Variants in GOSR1 observed in about 807,000 individuals in gnomAD.
The protein encoded by GOSR1 is golgi SNAP receptor complex member 1.
A neutral mutation model predicts 35.5 loss-of-function variants in GOSR1; 21 were observed. That is an observed-to-expected ratio of 0.59 (90% CI 0.42 to 0.85). GOSR1 has a LOEUF of 0.85. GOSR1 is among the 40% of genes least tolerant of loss of function. GOSR1 has a pLI of 0.00. For synonymous variants in GOSR1, 94 were observed against 106.6 expected, an observed-to-expected ratio of 0.88 and a Z score of 0.73; for missense variants, 285 against 309.6, an observed-to-expected ratio of 0.92 and a Z score of 0.60.
rs1449147847 is a variant in GOSR1, at chr17:30,522,783, G to C, written c.*405G>C. 7.1e-5 allele frequency: 11 copies of C among 154,356 alleles called. No individual in the cohort carries two copies. In the Admixed American group the frequency reaches 7.2e-4, roughly 10 times the overall value. 9.6% of individuals were successfully genotyped at this position (154,356 alleles called of 1,614,324 possible). ...TGCTTTTCTTTTAGCTGCCAGATTGGATTGTGAATAAAAATAATTCTTCCC... is the reference window on the plus strand; with the variant it reads ...TGCTTTTCTTTTAGCTGCCAGATTGCATTGTGAATAAAAATAATTCTTCCC... On this transcript the variant is annotated 3_prime_UTR_variant, in exon 9 of 9. Coordinates refer to ENST00000451249, the MANE Select transcript of GOSR1 (RefSeq NM_001007025.2).
intron 6 of GOSR1, among the ~76,000 whole-genome samples, chr17:30,502,971 A>G (rs1376184691): frequency 1.3e-5 from 2 of 152,262 alleles, no homozygotes; most frequent in Non-Finnish European, 2.9e-5. Flanking sequence ...CACAATGCTT[A>G]ATGTAAATGG....
At chr17:30,496,897 ACT>A (rs1260966944) in intron 6 of GOSR1, among the ~76,000 whole-genome samples, 2 of 152,122 alleles carry the variant, frequency 1.3e-5, no homozygotes, top group South Asian at 2.1e-4. Flanking sequence ...TCATAGAAGT[ACT>A]CTCTGATTTA....
intron 6 of GOSR1, among the ~76,000 whole-genome samples, chr17:30,501,449 A>G (rs1158961203): frequency 6.6e-6 from 1 of 152,176 alleles, no homozygotes; most frequent in East Asian, 1.9e-4. Flanking sequence ...GTGTGAATGC[A>G]AAATGGTACA....
At chr17:30,494,639 A>G (rs1407947837) in intron 6 of GOSR1, among the ~76,000 whole-genome samples, 1 of 151,276 alleles carries the variant, frequency 6.6e-6, no homozygotes, top group Non-Finnish European at 1.5e-5. Flanking sequence ...ACAGAGTCTC[A>G]CTCTGTTGCC....
chr17:30,505,257 G>T (rs1419061680), intron 6 of GOSR1, among the ~76,000 whole-genome samples: 1 of 152,088 alleles, frequency 6.6e-6, no homozygotes. Context: ...GAGAGAGGCC[G>T]GGTGTGGTGG....
chr17:30,505,131 A>G (rs997823283), intron 6 of GOSR1, among the ~76,000 whole-genome samples: 9 of 152,202 alleles, frequency 5.9e-5, no homozygotes, highest in Admixed American at 3.9e-4. Context: ...TTTGTAGCCA[A>G]TCTAAATTGG....
In GOSR1 at chr17:30,524,683, A is replaced by AG. The variant is rs1407306910; in HGVS notation, c.*2307dup. The AG allele has an allele frequency of 1.3e-5, 2 of 152,178 alleles. No individual in the cohort carries two copies. Among genetic ancestry groups the AG allele is most frequent in the African/African-American group, 4.8e-5 (2 of 41,438 alleles). The allele number at this position is 152,178 out of a possible 1,614,324, so 9.4% of individuals were successfully genotyped here. On this transcript the variant is annotated 3_prime_UTR_variant, in exon 9 of 9. Transcript: ENST00000451249. ...ATACCAGCATTGACACTGGTAGCTG[A>AG]GGAAGGGGACTGCTCAATTTCTAAT...
chr17:30,496,737 A>G (rs533207557), intron 6 of GOSR1, among the ~76,000 whole-genome samples: 18 of 152,362 alleles, frequency 1.2e-4, no homozygotes, highest in African/African-American at 3.8e-4. Flanking sequence ...TCACAATGTC[A>G]TAGGGAAAGC....
chr17:30,482,333 G>A (rs1304304482), intron 2 of GOSR1, among the ~76,000 whole-genome samples: 1 of 152,084 alleles, frequency 6.6e-6, no homozygotes, highest in Non-Finnish European at 1.5e-5. Flanking sequence ...ACCATTTGAT[G>A]ATGGCCATTG....
At chr17:30,486,036 A>AAAG (rs1164392282) in intron 4 of GOSR1, among the ~76,000 whole-genome samples, 1 of 151,916 alleles carries the variant, frequency 6.6e-6, no homozygotes, top group African/African-American at 2.4e-5. Context: ...AAAAAAAAAA[A>AAAG]AAAAGTAGGA....
chr17:30,500,389 T>G (rs1967157617), intron 6 of GOSR1, among the ~76,000 whole-genome samples: 1 of 152,244 alleles, frequency 6.6e-6, no homozygotes, highest in Admixed American at 6.5e-5. Flanking sequence ...CCACTTTGGC[T>G]TCACTTTTGT....
At position 30,507,188 on chromosome 17, in the gene GOSR1, C is replaced by G. The variant is rs547564339; in HGVS notation, c.510-3692C>G. Among the ~76,000 whole-genome samples the G allele has an allele frequency of 4.6e-5, 7 of 152,222 alleles. No individual in the cohort carries two copies. In the East Asian group the frequency reaches 7.7e-4, roughly 17 times the overall value. The stretch of plus-strand genomic sequence containing the variant: ...ATACATTTTGCAAGGCTAAAGCTGC[C>G]ATAGATAGTTATTCTTCTGATGGAT... On this transcript the variant is annotated intron_variant, in intron 6 of 8. Transcript: ENST00000451249.
intron 7 of GOSR1, among the ~76,000 whole-genome samples, chr17:30,517,910 G>T (rs942588647): frequency 1.3e-5 from 2 of 152,158 alleles, no homozygotes; most frequent in South Asian, 4.1e-4. Flanking sequence ...GGCCAAAAAT[G>T]TGTTCACTCA....
intron 7 of GOSR1, among the ~76,000 whole-genome samples, chr17:30,516,180 GAA>G (rs1427354458): frequency 6.6e-6 from 1 of 151,446 alleles, no homozygotes; most frequent in Non-Finnish European, 1.5e-5. Context: ...AACGGATAAA[GAA>G]AAAGTCAGCC....
chr17:30,503,472 A>G (rs2014455), intron 6 of GOSR1, among the ~76,000 whole-genome samples: 147,867 of 152,340 alleles, frequency 0.97, 71,793 homozygotes, highest in East Asian at 1. Context: ...ACTTGCTTAA[A>G]AAGGACAATT....
chr17:30,478,206 C>G (rs1914081622), intron 1 of GOSR1, among the ~76,000 whole-genome samples: 1 of 152,210 alleles, frequency 6.6e-6, no homozygotes, highest in Non-Finnish European at 1.5e-5. Flanking sequence ...AGTGAGCTTA[C>G]ATAAAACTCA....
chr17:30,520,349 C>T (rs1363893087), intron 8 of GOSR1: 1 of 183,892 alleles, frequency 5.4e-6, no homozygotes, highest in Non-Finnish European at 1.1e-5. Context: ...ATTATTCTTA[C>T]CTAAACATGA....
chr17:30,491,350 A>G (rs1215952226), intron 5 of GOSR1, among the ~76,000 whole-genome samples: 4 of 152,164 alleles, frequency 2.6e-5, no homozygotes, highest in African/African-American at 9.7e-5. Flanking sequence ...TGAGTTAGTC[A>G]CAGCAGAAGG....
chr17:30,486,689 A>C (rs1211683350), intron 4 of GOSR1, among the ~76,000 whole-genome samples: 1 of 152,186 alleles, frequency 6.6e-6, no homozygotes, highest in South Asian at 2.1e-4. Flanking sequence ...AAAAGCAAAT[A>C]GTTTTCCTAT....
Sources: gnomAD v4.1 joint callset for allele counts (sites outside exome capture counted in the v4.1 genomes callset) on GRCh38, gnomAD v4.1.1 for gene constraint, MANE v1.5 for transcripts, NCBI Gene and HGNC (gene_info 2026-07-23, HGNC 2026-07-21) for gene names.